The following SOCS7 variants were observed in gnomAD, a reference collection of about 807,000 sequenced individuals.
SOCS7 encodes NAP-4.
A neutral mutation model predicts 58.9 loss-of-function variants in SOCS7; 18 were observed. That is an observed-to-expected ratio of 0.31 (90% CI 0.21 to 0.45). SOCS7 has a LOEUF of 0.45. Among genes scored for constraint, SOCS7 ranks in the 20% least tolerant of loss-of-function variants. The pLI, the probability that SOCS7 is intolerant of heterozygous loss-of-function variation, is 1.00. For missense variants in SOCS7, 667 were observed against 837.3 expected (o/e 0.80, Z 2.51); for synonymous variants, 388 against 364.3 (o/e 1.06, Z -0.74).
intron 9 of SOCS7, among the ~76,000 whole-genome samples, chr17:38,397,597 T>C (rs2038261356): frequency 6.6e-6 from 1 of 152,244 alleles, no homozygotes; most frequent in African/African-American, 2.4e-5. Flanking sequence ...CAAGAACCTT[T>C]TTAACAGAGA....
chr17:38,353,093 C>T, intron 1 of SOCS7, 61 bp downstream of exon 1: 1 of 1,413,982 alleles, frequency 7.1e-7, no homozygotes, highest in Non-Finnish European at 9.4e-7. Flanking sequence ...CCCTTTTTAT[C>T]TATTGCTATC....
At chr17:38,392,248 A>G (rs2038181473) in intron 7 of SOCS7, among the ~76,000 whole-genome samples, 1 of 152,254 alleles carries the variant, frequency 6.6e-6, no homozygotes, top group Non-Finnish European at 1.5e-5. Context: ...CCTAAAGGCT[A>G]AAAGTAATAC....
At chr17:38,377,130 C>A (rs929142445) in intron 6 of SOCS7, among the ~76,000 whole-genome samples, 1 of 152,158 alleles carries the variant, frequency 6.6e-6, no homozygotes, top group African/African-American at 2.4e-5. Flanking sequence ...TAATGCATGA[C>A]TGTACCTATA....
At chr17:38,372,614 G>T (rs2037881645) in intron 6 of SOCS7, among the ~76,000 whole-genome samples, 1 of 152,192 alleles carries the variant, frequency 6.6e-6, no homozygotes. Flanking sequence ...TTTTCATTGT[G>T]TTTAGTGCAA....
intron 7 of SOCS7, among the ~76,000 whole-genome samples, chr17:38,392,683 G>T (rs1282981218): frequency 1.3e-5 from 2 of 152,168 alleles, no homozygotes; most frequent in African/African-American, 4.8e-5. Flanking sequence ...AGTTTTGAAG[G>T]GGTGGGAGTG....
intron 7 of SOCS7, among the ~76,000 whole-genome samples, chr17:38,389,907 A>ATATATAT (rs2038146563): frequency 1.6e-4 from 14 of 90,190 alleles, no homozygotes; most frequent in African/African-American, 5.0e-4. Context: ...ATACACATAT[A>ATATATAT]GAGAGAGAGA....
chr17:38,403,982 GAAAA>G lies in SOCS7; in HGVS notation c.*4507_*4510del, dbSNP rs944551440. On this transcript the variant is annotated 3_prime_UTR_variant, in exon 10 of 10. Coordinates refer to ENST00000612932, the MANE Select transcript of SOCS7 (RefSeq NM_014598.4). ...ACCTTTTTTATTAAAAAAAGAAAAAGAAAAAAAAAAGAAAGAAAAGTGTGCCCCC... is the reference window on the plus strand; with the variant it reads ...ACCTTTTTTATTAAAAAAAGAAAAAGAAAAAAGAAAGAAAAGTGTGCCCCC... 3.4e-5 allele frequency: 5 copies of G among 146,618 alleles called. No homozygotes were observed. Among genetic ancestry groups the G allele is most frequent in the South Asian group, 2.2e-4 (1 of 4,614 alleles). 9.1% of individuals were successfully genotyped at this position (146,618 alleles called of 1,614,324 possible).
At chr17:38,377,419 G>GA (rs1239257393) in intron 6 of SOCS7, among the ~76,000 whole-genome samples, 2 of 152,140 alleles carry the variant, frequency 1.3e-5, no homozygotes, top group Non-Finnish European at 2.9e-5. Context: ...CCAAAAATAT[G>GA]AAAAAATCCA....
chr17:38,399,193 T>G (rs1362497013), intron 9 of SOCS7, among the ~76,000 whole-genome samples: 1 of 152,056 alleles, frequency 6.6e-6, no homozygotes. Context: ...CTAGAGCAAT[T>G]GAGCCTCAGG....
chr17:38,390,078 T>G (rs1050413600), intron 7 of SOCS7, among the ~76,000 whole-genome samples: 2 of 150,086 alleles, frequency 1.3e-5, no homozygotes, highest in African/African-American at 2.4e-5. Context: ...TGAGCCACCG[T>G]ACCCAGCCTT....
At position 38,365,299 on chromosome 17, in the gene SOCS7, C is replaced by G. The variant is rs764428404; in HGVS notation, c.1151-9C>G. On this transcript the variant is annotated splice_polypyrimidine_tract_variant and intron_variant, in intron 3 of 9. Transcript: ENST00000612932. Reference sequence around the variant, plus strand: ...TTTCTGAACCTCTTGCTTTTGTTCTCTCTTCTAGATGATATCAGTGGGACG... The same window carrying G: ...TTTCTGAACCTCTTGCTTTTGTTCTGTCTTCTAGATGATATCAGTGGGACG... 3.1e-6 allele frequency: 5 copies of G among 1,597,874 alleles called. No homozygotes were observed. Among genetic ancestry groups the G allele is most frequent in the Non-Finnish European group, 4.3e-6 (5 of 1,169,624 alleles).
intron 7 of SOCS7, among the ~76,000 whole-genome samples, chr17:38,387,823 G>T (rs1157858002): frequency 7.1e-6 from 1 of 141,826 alleles, no homozygotes; most frequent in Non-Finnish European, 1.5e-5. Flanking sequence ...AGGCTAGAGT[G>T]CAGTGGCGTG....
chr17:38,377,251 T>C, intron 6 of SOCS7, among the ~76,000 whole-genome samples: 1 of 152,214 alleles, frequency 6.6e-6, no homozygotes, highest in East Asian at 1.9e-4. Context: ...TTTGAAATTA[T>C]TAAAGGTTGA....
rs2038240521 is a variant in SOCS7 at position 38,395,993 on chromosome 17, C to T, written c.*25C>T. 1.3e-6 allele frequency: 2 copies of T among 1,586,690 alleles called. No homozygotes were observed. The highest frequency in any genetic ancestry group is 1.4e-5 in the African/African-American group (1 of 73,196). Reference sequence around the variant, plus strand: ...GCGAGGGGCTCCCTGCTGGTCACCACCAAGGGTATGAGCTCTCTGCCTCAC... The same window carrying T: ...GCGAGGGGCTCCCTGCTGGTCACCATCAAGGGTATGAGCTCTCTGCCTCAC... On this transcript the variant is annotated 3_prime_UTR_variant, in exon 9 of 10. Transcript: ENST00000612932.
intron 7 of SOCS7, among the ~76,000 whole-genome samples, chr17:38,387,098 A>ATATAT (rs1450990405): frequency 1.3e-4 from 12 of 89,506 alleles, no homozygotes; most frequent in Middle Eastern, 5.0e-3. Flanking sequence ...AAAAAAAAAA[A>ATATAT]AAAAATATAT....
intron 6 of SOCS7, among the ~76,000 whole-genome samples, chr17:38,372,007 G>A (rs2037874447): frequency 6.6e-6 from 1 of 152,006 alleles, no homozygotes; most frequent in South Asian, 2.1e-4. Context: ...CAAAACTGCT[G>A]TTCCTGTCTT....
chr17:38,395,224 C>T (rs1333055649), intron 7 of SOCS7, 85 bp from the exon 8 acceptor site: 7 of 1,428,670 alleles, frequency 4.9e-6, no homozygotes, highest in Non-Finnish European at 6.8e-6. Context: ...GTCCCATTTC[C>T]CCTCCCTAGG....
chr17:38,362,891 A>G (rs2037738797), intron 2 of SOCS7, among the ~76,000 whole-genome samples: 1 of 152,212 alleles, frequency 6.6e-6, no homozygotes. Flanking sequence ...TGAGCAGATC[A>G]TCTGAGGTCA....
At chr17:38,361,597 A>G (rs1401066626) in intron 1 of SOCS7, 114 bp from the exon 2 acceptor site, 1 of 810,648 alleles carries the variant, frequency 1.2e-6, no homozygotes, top group East Asian at 2.4e-5. Flanking sequence ...GTTGCTGACA[A>G]CGACTAGGGT....
Sources: allele counts gnomAD v4.1 joint callset (sites outside exome capture counted in the v4.1 genomes callset), GRCh38; gene constraint gnomAD v4.1.1; transcripts MANE v1.5; gene names NCBI Gene and HGNC (gene_info 2026-07-23, HGNC 2026-07-21).